The following PUM2 variants were observed in gnomAD, a reference collection of about 807,000 sequenced individuals.
PUM2 encodes the protein pumilio RNA binding family member 2, also known as pumilio homolog 2.
Under a neutral mutation model 124.5 loss-of-function variants are expected in PUM2, and 57 were observed. The ratio of observed to expected loss-of-function variants is 0.46; its 90% CI spans 0.37 to 0.57. The LOEUF (loss-of-function observed/expected upper bound fraction) is 0.57, where lower values mean the gene tolerates loss of function less well. Ranked by LOEUF, PUM2 falls within the 20% of genes least tolerant of loss-of-function variation. The pLI is 0.00. For missense variants in PUM2, 1,065 were observed against 1,290.6 expected (o/e 0.83, Z 2.68); for synonymous variants, 460 against 446.1 (o/e 1.03, Z -0.39).
intron 17 of PUM2, among the ~76,000 whole-genome samples, chr2:20,255,686 T>A (rs1664598428): frequency 6.6e-6 from 1 of 152,214 alleles, no homozygotes; most frequent in Non-Finnish European, 1.5e-5. Flanking sequence ...TACAAATTGC[T>A]ATGTGTTTTC....
At chr2:20,284,509 C>G (rs1029402894) in intron 10 of PUM2, among the ~76,000 whole-genome samples, 6 of 151,408 alleles carry the variant, frequency 4.0e-5, no homozygotes, top group Non-Finnish European at 8.8e-5. Context: ...GTACATGCCA[C>G]CAGGTCCGGA....
At chr2:20,258,736 C>T (rs1243180633) in intron 15 of PUM2, among the ~76,000 whole-genome samples, 2 of 142,900 alleles carry the variant, frequency 1.4e-5, no homozygotes, top group East Asian at 2.1e-4. Context: ...GGCACAATCT[C>T]GGCTCACTGC....
At chr2:20,277,294 T>C (rs1002278617) in intron 13 of PUM2, among the ~76,000 whole-genome samples, 1 of 152,158 alleles carries the variant, frequency 6.6e-6, no homozygotes, top group African/African-American at 2.4e-5. Flanking sequence ...TGGGCAGTAA[T>C]AACAGAAATC....
intron 3 of PUM2, among the ~76,000 whole-genome samples, chr2:20,315,617 ATC>A (rs371413756): frequency 2.0e-5 from 3 of 152,118 alleles, no homozygotes; most frequent in Non-Finnish European, 4.4e-5. Flanking sequence ...TCTTGAAATA[ATC>A]TCTCTGTCAT....
intron 2 of PUM2, among the ~76,000 whole-genome samples, chr2:20,323,299 T>C (rs1052785360): frequency 2.0e-5 from 3 of 151,852 alleles, no homozygotes; most frequent in East Asian, 1.9e-4. Flanking sequence ...ATACAAAAAA[T>C]TAGCCAGGCG....
At chr2:20,283,641 C>G (rs1051652758) in intron 10 of PUM2, among the ~76,000 whole-genome samples, 155 bp from the exon 11 acceptor site, 1 of 152,130 alleles carries the variant, frequency 6.6e-6, no homozygotes, top group Non-Finnish European at 1.5e-5. Flanking sequence ...ACACATTTGA[C>G]AAGGTCTTAC....
intron 1 of PUM2, among the ~76,000 whole-genome samples, chr2:20,338,159 G>A (rs1382345041): frequency 1.3e-5 from 2 of 152,156 alleles, no homozygotes; most frequent in Non-Finnish European, 2.9e-5. Flanking sequence ...CACTTTAGGA[G>A]GCTGAGGCAG....
intron 20 of PUM2, among the ~76,000 whole-genome samples, chr2:20,253,293 C>T (rs1020709745): frequency 1.3e-5 from 2 of 152,300 alleles, no homozygotes; most frequent in African/African-American, 2.4e-5. Flanking sequence ...GTAGCCTCAA[C>T]CTCCGGGACT....
intron 7 of PUM2, among the ~76,000 whole-genome samples, chr2:20,303,073 G>T (rs1453686422): frequency 6.6e-6 from 1 of 152,030 alleles, no homozygotes; most frequent in Non-Finnish European, 1.5e-5. Context: ...ATCCCCTAAG[G>T]CCTTTCTAAT....
chr2:20,332,763 G>A (rs778648629), intron 1 of PUM2, among the ~76,000 whole-genome samples: 1 of 152,084 alleles, frequency 6.6e-6, no homozygotes, highest in Non-Finnish European at 1.5e-5. Context: ...TAAATCTTAG[G>A]GAGGAAAGAT....
intron 16 of PUM2, among the ~76,000 whole-genome samples, chr2:20,256,699 A>G (rs1664850524): frequency 6.6e-6 from 1 of 152,104 alleles, no homozygotes; most frequent in Non-Finnish European, 1.5e-5. Flanking sequence ...ATAATTCCCT[A>G]AGGGAAGAAT....
At chr2:20,260,090 G>A (rs1291714077) in intron 15 of PUM2, among the ~76,000 whole-genome samples, 1 of 152,158 alleles carries the variant, frequency 6.6e-6, no homozygotes, top group Non-Finnish European at 1.5e-5. Flanking sequence ...TTTACATAGA[G>A]AAATGTCTGT....
chr2:20,258,181 A>C, intron 16 of PUM2, 62 bp downstream of exon 16: 8 of 1,395,094 alleles, frequency 5.7e-6, no homozygotes, highest in South Asian at 1.4e-5. Flanking sequence ...AAGATTAAAA[A>C]CATGTAATAA....
intron 2 of PUM2, among the ~76,000 whole-genome samples, chr2:20,322,613 G>A (rs1258562494): frequency 6.6e-6 from 1 of 151,758 alleles, no homozygotes; most frequent in African/African-American, 2.4e-5. Flanking sequence ...GACCAGCCTG[G>A]GCAACATGGC....
At chr2:20,335,136 G>A (rs1409190685) in intron 1 of PUM2, among the ~76,000 whole-genome samples, 1 of 152,090 alleles carries the variant, frequency 6.6e-6, no homozygotes, top group African/African-American at 2.4e-5. Flanking sequence ...TGTTGCCTAG[G>A]CTGGTCTCAA....
At chr2:20,278,041 A>T (rs1670643077) in intron 13 of PUM2, among the ~76,000 whole-genome samples, 1 of 152,016 alleles carries the variant, frequency 6.6e-6, no homozygotes, top group South Asian at 2.1e-4. Flanking sequence ...AGCCTAAAAC[A>T]TTTTTTTTCT....
intron 1 of PUM2, among the ~76,000 whole-genome samples, chr2:20,347,526 A>G (rs1195954612): frequency 6.6e-6 from 1 of 152,240 alleles, no homozygotes; most frequent in African/African-American, 2.4e-5. Context: ...CACTTTTTCA[A>G]CTACAAAAGC....
At chr2:20,341,354 A>C (rs1448784503) in intron 1 of PUM2, among the ~76,000 whole-genome samples, 1 of 152,204 alleles carries the variant, frequency 6.6e-6, no homozygotes, top group Non-Finnish European at 1.5e-5. Flanking sequence ...AACAGAAAAA[A>C]GTTAAAACAA....
At chr2:20,276,854 T>C (rs1489455677) in intron 13 of PUM2, among the ~76,000 whole-genome samples, 1 of 152,028 alleles carries the variant, frequency 6.6e-6, no homozygotes, top group Non-Finnish European at 1.5e-5. Context: ...TATTAAAATA[T>C]CAGATTTCAA....
Sources: gnomAD v4.1 joint callset for allele counts (sites outside exome capture counted in the v4.1 genomes callset) on GRCh38, gnomAD v4.1.1 for gene constraint, MANE v1.5 for transcripts, NCBI Gene and HGNC (gene_info 2026-07-23, HGNC 2026-07-21) for gene names.